Variants in KCNMA1 observed in about 807,000 individuals in gnomAD.
KCNMA1 encodes the protein potassium calcium-activated channel subfamily M alpha 1.
Under a neutral mutation model 140.0 loss-of-function variants are expected in KCNMA1, and 29 were observed. The observed-to-expected ratio is 0.21, with a 90% confidence interval of 0.15 to 0.28. The LOEUF (loss-of-function observed/expected upper bound fraction) is 0.28, where lower values mean the gene tolerates loss of function less well. KCNMA1 is among the 10% of genes least tolerant of loss of function. The pLI, the probability that KCNMA1 is intolerant of heterozygous loss-of-function variation, is 1.00. For missense variants in KCNMA1, 880 were observed against 1,602.2 expected (o/e 0.55, Z 7.70); for synonymous variants, 612 against 611.9 (o/e 1.00, Z 0.00).
At chr10:77,527,139 T>C (rs914378949) in intron 1 of KCNMA1, among the ~76,000 whole-genome samples, 18 of 152,110 alleles carry the variant, frequency 1.2e-4, no homozygotes, top group African/African-American at 4.3e-4. Context: ...AAGCCCAAGG[T>C]CCCCTTACTG....
chr10:76,921,915 C>T (rs975645782), intron 23 of KCNMA1, among the ~76,000 whole-genome samples: 4 of 152,254 alleles, frequency 2.6e-5, no homozygotes, highest in African/African-American at 9.6e-5. Flanking sequence ...GAAGGCCAGG[C>T]AGCTGACCAT....
chr10:76,972,292 A>C (rs758569654), intron 19 of KCNMA1, among the ~76,000 whole-genome samples: 17 of 152,204 alleles, frequency 1.1e-4, no homozygotes, highest in Non-Finnish European at 2.1e-4. Context: ...TATCTAACCT[A>C]GTCTACCACG....
chr10:77,496,731 C>T (rs1359314614), intron 1 of KCNMA1, among the ~76,000 whole-genome samples: 3 of 151,150 alleles, frequency 2.0e-5, no homozygotes, highest in African/African-American at 7.3e-5. Context: ...TATGAACATC[C>T]TCATTTTACA....
intron 2 of KCNMA1, chr10:77,304,352 C>T (rs1268634407): frequency 6.6e-6 from 1 of 152,156 alleles, no homozygotes; most frequent in East Asian, 1.9e-4. Flanking sequence ...CAGGGATGAT[C>T]CCACTCAGGT....
At chr10:77,105,530 A>G (rs1321742024) in intron 9 of KCNMA1, among the ~76,000 whole-genome samples, 2 of 152,198 alleles carry the variant, frequency 1.3e-5, no homozygotes, top group Non-Finnish European at 2.9e-5. Flanking sequence ...TGAATAAAAT[A>G]TGCACAAGTA....
At chr10:77,621,478 C>T (rs2091345676) in intron 1 of KCNMA1, among the ~76,000 whole-genome samples, 2 of 151,870 alleles carry the variant, frequency 1.3e-5, no homozygotes, top group Admixed American at 1.3e-4. Context: ...TTGCTGGTCC[C>T]CCATGCTCTC....
chr10:77,230,358 A>AT (rs2053167195), intron 3 of KCNMA1, among the ~76,000 whole-genome samples: 1 of 152,252 alleles, frequency 6.6e-6, no homozygotes, highest in South Asian at 2.1e-4. Flanking sequence ...TCTTGACTAA[A>AT]TAGAAGTGAT....
intron 3 of KCNMA1, among the ~76,000 whole-genome samples, chr10:77,205,350 A>G (rs751395187): frequency 2.0e-5 from 3 of 152,198 alleles, no homozygotes; most frequent in Non-Finnish European, 4.4e-5. Context: ...AAGTCAGCTC[A>G]TGTTTCTCTT....
intron 1 of KCNMA1, among the ~76,000 whole-genome samples, chr10:77,488,647 G>A (rs544937947): frequency 8.5e-5 from 13 of 152,162 alleles, no homozygotes; most frequent in African/African-American, 1.2e-4. Flanking sequence ...AGGAACAACC[G>A]CCCAACTCTG....
chr10:76,997,164 C>T (rs1479758247), intron 19 of KCNMA1, among the ~76,000 whole-genome samples: 3 of 152,140 alleles, frequency 2.0e-5, no homozygotes, highest in South Asian at 2.1e-4. Flanking sequence ...TGACAAGACT[C>T]GATATTACAC....
At chr10:77,614,718 T>C (rs1398259766) in intron 1 of KCNMA1, among the ~76,000 whole-genome samples, 1 of 152,020 alleles carries the variant, frequency 6.6e-6, no homozygotes, top group Non-Finnish European at 1.5e-5. Context: ...GGAACCCAGG[T>C]CCTTGCACCC....
intron 1 of KCNMA1, among the ~76,000 whole-genome samples, chr10:77,560,044 G>A (rs190311527): frequency 2.6e-5 from 4 of 152,012 alleles, no homozygotes; most frequent in South Asian, 4.2e-4. Flanking sequence ...TCAGCCAGGC[G>A]TGGTGGCGGG....
At chr10:77,585,104 C>T (rs1377504340) in intron 1 of KCNMA1, among the ~76,000 whole-genome samples, 3 of 152,228 alleles carry the variant, frequency 2.0e-5, no homozygotes, top group African/African-American at 7.2e-5. Flanking sequence ...GCATACTGAA[C>T]TCTGACCACA....
chr10:77,084,430 G>C (rs1351528350), intron 12 of KCNMA1, among the ~76,000 whole-genome samples: 1 of 152,216 alleles, frequency 6.6e-6, no homozygotes, highest in Non-Finnish European at 1.5e-5. Context: ...CTGAGGGTGA[G>C]CTTCCGGTTG....
At chr10:77,587,700 A>T (rs2077660564) in intron 1 of KCNMA1, 2 of 985,424 alleles carry the variant, frequency 2.0e-6, no homozygotes, top group Non-Finnish European at 1.2e-6. Context: ...ATCTGCTCCC[A>T]GTAATAATGC....
At chr10:77,545,496 A>G (rs1462468759) in intron 1 of KCNMA1, among the ~76,000 whole-genome samples, 5 of 152,120 alleles carry the variant, frequency 3.3e-5, no homozygotes. Context: ...TTTGGTTTAT[A>G]AACTCCCCAG....
chr10:77,098,775 C>G (rs2097011505), intron 9 of KCNMA1, among the ~76,000 whole-genome samples: 1 of 151,938 alleles, frequency 6.6e-6, no homozygotes, highest in South Asian at 2.1e-4. Flanking sequence ...CTTCCTTCCT[C>G]TCTGGAAGGG....
At chr10:77,256,758 A>G (rs1306882376) in intron 2 of KCNMA1, among the ~76,000 whole-genome samples, 5 of 152,134 alleles carry the variant, frequency 3.3e-5, no homozygotes, top group African/African-American at 1.2e-4. Context: ...CCCTTCTCAG[A>G]AAATGGACAA....
intron 1 of KCNMA1, among the ~76,000 whole-genome samples, chr10:77,584,650 C>A (rs1430209360): frequency 1.3e-5 from 2 of 152,216 alleles, no homozygotes; most frequent in East Asian, 3.8e-4. Context: ...AGCCACCACG[C>A]CTGGCCTTGT....
Sources: gnomAD v4.1 joint callset for allele counts (sites outside exome capture counted in the v4.1 genomes callset) on GRCh38, gnomAD v4.1.1 for gene constraint, MANE v1.5 for transcripts, NCBI Gene and HGNC (gene_info 2026-07-23, HGNC 2026-07-21) for gene names.